RBFOX1: variants seen among roughly 807,000 people sequenced by gnomAD.
RBFOX1 encodes the protein RNA binding protein fox-1 homolog 1.
In RBFOX1, 8 loss-of-function variants were observed where a neutral mutation model predicts 57.7. The ratio of observed to expected loss-of-function variants is 0.14; its 90% CI spans 0.08 to 0.25. The LOEUF (loss-of-function observed/expected upper bound fraction) is 0.25. Among genes scored for constraint, RBFOX1 ranks in the 10% least tolerant of loss-of-function variants. The pLI, the probability that RBFOX1 is intolerant of heterozygous loss-of-function variation, is 1.00. For missense variants in RBFOX1, 611 were observed against 548.5 expected, an observed-to-expected ratio of 1.11 and a Z score of -1.14; for synonymous variants, 326 against 222.4, an observed-to-expected ratio of 1.47 and a Z score of -4.15.
intron 4 of RBFOX1, among the ~76,000 whole-genome samples, chr16:7,463,418 C>T (rs911848795): frequency 1.3e-5 from 2 of 152,182 alleles, no homozygotes; most frequent in African/African-American, 4.8e-5. Context: ...ACAGGATAAT[C>T]ACTTGAACCC....
At chr16:7,196,521 G>C (rs925110109) in intron 4 of RBFOX1, among the ~76,000 whole-genome samples, 1 of 152,198 alleles carries the variant, frequency 6.6e-6, no homozygotes, top group East Asian at 1.9e-4. Flanking sequence ...GTGCAGGTTA[G>C]TGCAACCGGC....
At chr16:5,580,329 G>C (rs1323485936) in intron 2 of RBFOX1, among the ~76,000 whole-genome samples, 1 of 152,226 alleles carries the variant, frequency 6.6e-6, no homozygotes, top group African/African-American at 2.4e-5. Context: ...GGACTGATTG[G>C]TAATTGAGCT....
At chr16:5,547,686 C>T (rs886533338) in intron 2 of RBFOX1, among the ~76,000 whole-genome samples, 1 of 152,104 alleles carries the variant, frequency 6.6e-6, no homozygotes, top group Non-Finnish European at 1.5e-5. Flanking sequence ...ATATGTGCTG[C>T]ATGTACACAA....
rs905857755 is a variant in RBFOX1 at position 6,019,947 on chromosome 16, C to T, written c.-172C>T. On this transcript the variant is annotated 5_prime_UTR_variant, in exon 1 of 16. Coordinates refer to ENST00000550418, the MANE Select transcript of RBFOX1 (RefSeq NM_018723.4). The surrounding 1 kb of genome is among the most constrained non-coding windows in gnomAD (Gnocchi z 4.2). ...AGAGAGCGCACGGGAATTCGGGGGT[C>T]TGGGGCCGAGAACGTGACCGCAGCC... 1 of 1,533,890 alleles carries T rather than the reference C, an allele frequency of 6.5e-7. No individual in the cohort carries two copies. The highest frequency in any genetic ancestry group is 2.5e-5 in the East Asian group (1 of 40,790).
chr16:6,530,912 A>G (rs2096649074), intron 2 of RBFOX1, among the ~76,000 whole-genome samples: 1 of 152,182 alleles, frequency 6.6e-6, no homozygotes, highest in Non-Finnish European at 1.5e-5. Context: ...GTCACAGCCA[A>G]ACCATATCAC....
chr16:5,333,503 C>T (rs2064814962), intron 1 of RBFOX1, among the ~76,000 whole-genome samples: 1 of 152,162 alleles, frequency 6.6e-6, no homozygotes, highest in Admixed American at 6.5e-5. Context: ...CTGCTCCTCA[C>T]ACAGTTGGCC....
chr16:6,735,154 A>C (rs11077076), intron 3 of RBFOX1, among the ~76,000 whole-genome samples: 136,509 of 149,372 alleles, frequency 0.91, 62,489 homozygotes, highest in East Asian at 1. Flanking sequence ...GTCTCAACAA[A>C]AACAACAACA....
chr16:5,801,369 G>A (rs1247028627), intron 3 of RBFOX1, among the ~76,000 whole-genome samples: 5 of 142,296 alleles, frequency 3.5e-5, no homozygotes, highest in African/African-American at 7.9e-5. Context: ...TTTGAGTTTC[G>A]GGGTAAAATT....
At chr16:6,886,055 A>ATT (rs71147619) in intron 3 of RBFOX1, among the ~76,000 whole-genome samples, 1 of 144,784 alleles carries the variant, frequency 6.9e-6, no homozygotes, top group African/African-American at 2.6e-5. Context: ...CAGTGAAAGT[A>ATT]TTTTTTTTTT....
intron 8 of RBFOX1, chr16:7,597,154 C>A: frequency 2.3e-6 from 1 of 428,304 alleles, no homozygotes. Context: ...TATGACATTG[C>A]TTTATTGAAA....
At chr16:5,295,291 C>G (rs994436679) in intron 1 of RBFOX1, among the ~76,000 whole-genome samples, 4 of 152,140 alleles carry the variant, frequency 2.6e-5, no homozygotes, top group Middle Eastern at 3.2e-3. Context: ...AATCCAGGTT[C>G]TGCATTTCCC....
chr16:6,065,347 T>G (rs1374822675), intron 1 of RBFOX1, among the ~76,000 whole-genome samples: 1 of 152,114 alleles, frequency 6.6e-6, no homozygotes, highest in Non-Finnish European at 1.5e-5. Flanking sequence ...ATGATTCTTA[T>G]GGATGCCTAG....
Position 6,557,038 on chromosome 16 carries a change from T to TATATATACATATATACAC in RBFOX1, c.-63-97550_-63-97549insCACATATATACATATATA, listed in dbSNP as rs1567672059. Among the ~76,000 whole-genome samples, 440 of 129,536 alleles carry TATATATACATATATACAC rather than the reference T, an allele frequency of 3.4e-3. 3 individuals carry two copies. Among genetic ancestry groups the TATATATACATATATACAC allele is most frequent in the African/African-American group, 0.015 (419 of 27,970 alleles). 85.0% of individuals were successfully genotyped at this position (129,536 alleles called of 152,430 possible). ...ATACATATATATACATATATACACA[T>TATATATACATATATACAC]ATATATACATATATATACATATATA... On this transcript the variant is annotated intron_variant, in intron 2 of 15. Coordinates refer to ENST00000550418, the MANE Select transcript of RBFOX1 (RefSeq NM_018723.4).
At chr16:7,259,871 G>A (rs1474371290) in intron 4 of RBFOX1, among the ~76,000 whole-genome samples, 1 of 152,124 alleles carries the variant, frequency 6.6e-6, no homozygotes, top group Non-Finnish European at 1.5e-5. Flanking sequence ...TGTATTAGGT[G>A]CTTAATATAT....
chr16:6,857,964 G>C (rs367763019), intron 3 of RBFOX1, among the ~76,000 whole-genome samples: 2 of 152,168 alleles, frequency 1.3e-5, no homozygotes, highest in East Asian at 1.9e-4. Flanking sequence ...CTGGTTTTTC[G>C]TAGGTCAGAT....
At chr16:7,580,752 C>T (rs1264613142) in intron 6 of RBFOX1, among the ~76,000 whole-genome samples, 1 of 152,160 alleles carries the variant, frequency 6.6e-6, no homozygotes, top group East Asian at 1.9e-4. Flanking sequence ...CAGTGTTCCA[C>T]CAAAGGACAA....
chr16:6,143,759 C>G (rs2096736521), intron 1 of RBFOX1, among the ~76,000 whole-genome samples: 1 of 151,978 alleles, frequency 6.6e-6, no homozygotes, highest in African/African-American at 2.4e-5. Flanking sequence ...AGAAGACTAC[C>G]TGTGCACCTG....
chr16:5,973,890 G>A (rs564241800), intron 4 of RBFOX1, among the ~76,000 whole-genome samples: 11 of 152,214 alleles, frequency 7.2e-5, no homozygotes, highest in South Asian at 2.1e-4. Context: ...ACTTCACTTC[G>A]TAGGGCTCAG....
In RBFOX1 at chr16:6,621,524, T is replaced by C. The variant is rs573116511; in HGVS notation, c.-63-33079T>C. ...TAGTCATTAGTGTCAGGCTGTACCCTAAATCAAAAATCTCAAGAGGCTTAA... is the reference window on the plus strand; with the variant it reads ...TAGTCATTAGTGTCAGGCTGTACCCCAAATCAAAAATCTCAAGAGGCTTAA... On this transcript the variant is annotated intron_variant, in intron 2 of 15. Coordinates refer to ENST00000550418, the MANE Select transcript of RBFOX1 (RefSeq NM_018723.4). 3.9e-5 allele frequency among the ~76,000 whole-genome samples: 6 copies of C among 152,242 alleles called. 1 individual carries two copies. Among genetic ancestry groups the C allele is most frequent in the African/African-American group, 1.4e-4 (6 of 41,558 alleles).
Sources: gnomAD v4.1 joint callset for allele counts (sites outside exome capture counted in the v4.1 genomes callset) on GRCh38, gnomAD v4.1.1 for gene constraint, Gnocchi (gnomAD v3.1) non-coding constraint, MANE v1.5 for transcripts, NCBI Gene and HGNC (gene_info 2026-07-23, HGNC 2026-07-21) for gene names.